The following GPC3 variants were observed in gnomAD, a reference collection of about 807,000 sequenced individuals.
GPC3 encodes glypican-3.
Under a neutral mutation model 34.4 loss-of-function variants are expected in GPC3, and 3 were observed. The ratio of observed to expected loss-of-function variants is 0.09; its 90% CI spans 0.04 to 0.23. The LOEUF is 0.23. Among genes scored for constraint, GPC3 ranks in the 10% least tolerant of loss-of-function variants. The probability of loss-of-function intolerance (pLI) is 1.00; values close to 1 mark genes in which losing one functional copy is unlikely to be tolerated. For missense variants in GPC3, 351 were observed against 445.6 expected, an observed-to-expected ratio of 0.79 and a Z score of 1.91; for synonymous variants, 177 against 174.0, an observed-to-expected ratio of 1.02 and a Z score of -0.13.
intron 2 of GPC3, among the ~76,000 whole-genome samples, chrX:133,776,032 A>G (rs2071975496): frequency 8.9e-6 from 1 of 111,779 alleles, no homozygotes; most frequent in Non-Finnish European, 1.9e-5. Context: ...GAGCACAGTG[A>G]ACAATGGTCA....
At chrX:133,769,345 ATAT>A (rs1201562678) in intron 2 of GPC3, among the ~76,000 whole-genome samples, 1 of 112,126 alleles carries the variant, frequency 8.9e-6, no homozygotes, top group African/African-American at 3.2e-5. Flanking sequence ...GATACTGTAT[ATAT>A]TTAAAATTTC....
intron 2 of GPC3, among the ~76,000 whole-genome samples, chrX:133,947,286 T>C (rs138064548): frequency 0.013 from 1,449 of 111,339 alleles, 30 homozygotes; most frequent in African/African-American, 0.045. Flanking sequence ...TTCAGAGCCC[T>C]GTTAAATCAA....
chrX:133,645,690 C>T (rs1291942131), intron 6 of GPC3, among the ~76,000 whole-genome samples: 5 of 111,337 alleles, frequency 4.5e-5, no homozygotes, highest in African/African-American at 1.3e-4. Context: ...TAACACTCAG[C>T]GAGTCCCAGA....
chrX:133,861,649 G>C (rs1407263677), intron 2 of GPC3, among the ~76,000 whole-genome samples: 2 of 111,158 alleles, frequency 1.8e-5, no homozygotes, highest in Non-Finnish European at 3.8e-5. Flanking sequence ...GCCCTGGTGG[G>C]AGGCGTTTGG....
At chrX:133,849,773 C>T (rs1055838869) in intron 2 of GPC3, among the ~76,000 whole-genome samples, 8 of 111,234 alleles carry the variant, frequency 7.2e-5, no homozygotes, top group Non-Finnish European at 1.5e-4. Flanking sequence ...GCTGTCTTTA[C>T]CTCTCTTAAC....
chrX:133,548,058 A>G (rs1378879567), intron 7 of GPC3, among the ~76,000 whole-genome samples: 1 of 110,295 alleles, frequency 9.1e-6, no homozygotes, highest in Non-Finnish European at 1.9e-5. Flanking sequence ...TGAAACTGTT[A>G]AAAAAAAAGT....
At chrX:133,863,648 CTTTTT>C (rs1165193952) in intron 2 of GPC3, among the ~76,000 whole-genome samples, 1 of 72,899 alleles carries the variant, frequency 1.4e-5, no homozygotes, top group Non-Finnish European at 2.4e-5. Flanking sequence ...AAAAATATTC[CTTTTT>C]TTTTTTTTTT....
Position 133,778,693 on chromosome X carries a change from C to G in GPC3, c.338-24517G>C, listed in dbSNP as rs138447636. 5.3e-3 allele frequency among the ~76,000 whole-genome samples: 594 copies of G among 111,456 alleles called. 5 individuals carry two copies. Among genetic ancestry groups the G allele is most frequent in the African/African-American group, 0.018 (563 of 30,687 alleles). ...TAGCCAAAGACATGCAAGAGACACT[C>G]AACTGGGAATATCAGGTTGTCTTCT... On this transcript the variant is annotated intron_variant, in intron 2 of 7. Coordinates refer to ENST00000370818, the MANE Select transcript of GPC3 (RefSeq NM_004484.4).
chrX:133,898,599 T>C (rs1235695979), intron 2 of GPC3, among the ~76,000 whole-genome samples: 11 of 112,188 alleles, frequency 9.8e-5, no homozygotes, highest in Non-Finnish European at 2.1e-4. Context: ...GTTTTGGTCA[T>C]GCAGGCACTC....
chrX:133,733,564 A>G (rs2071481928), intron 3 of GPC3, among the ~76,000 whole-genome samples: 1 of 111,599 alleles, frequency 9.0e-6, no homozygotes, highest in Non-Finnish European at 1.9e-5. Flanking sequence ...GAAATCTAGA[A>G]TAGAAAAACA....
chrX:133,704,694 T>C lies in GPC3; in HGVS notation c.1033-4666A>G, dbSNP rs144515616. ...CACATGACGGTCTTACGACATACTT[T>C]AGAAGAGGGTCAGTTAGGTTTTATG... On this transcript the variant is annotated intron_variant, in intron 3 of 7. Transcript: ENST00000370818. Among the ~76,000 whole-genome samples, 19 of 110,598 alleles carry C rather than the reference T, an allele frequency of 1.7e-4. No homozygotes were observed. In the East Asian group the frequency reaches 5.4e-3, roughly 31 times the overall value.
intron 2 of GPC3, among the ~76,000 whole-genome samples, chrX:133,852,434 T>C (rs957555228): frequency 1.5e-4 from 17 of 112,203 alleles, no homozygotes; most frequent in African/African-American, 5.5e-4. Flanking sequence ...AACTTTACTT[T>C]TGAAAACACG....
intron 2 of GPC3, among the ~76,000 whole-genome samples, chrX:133,930,309 G>T (rs188125946): frequency 8.9e-6 from 1 of 111,935 alleles, no homozygotes; most frequent in Admixed American, 9.4e-5. Context: ...AGAGGCCAGG[G>T]ATGCTGCTAA....
intron 7 of GPC3, among the ~76,000 whole-genome samples, chrX:133,558,936 TAAATAAAA>T (rs1264113752): frequency 9.2e-5 from 10 of 108,953 alleles, no homozygotes; most frequent in African/African-American, 3.3e-4. Context: ...AATAAATAAA[TAAATAAAA>T]ATAAATGTGT....
chrX:133,712,274 T>C (rs1871847953), intron 3 of GPC3, among the ~76,000 whole-genome samples: 1 of 111,912 alleles, frequency 8.9e-6, no homozygotes, highest in Admixed American at 9.5e-5. Flanking sequence ...GAAACAAATA[T>C]ACAACAAAAG....
intron 7 of GPC3, among the ~76,000 whole-genome samples, chrX:133,544,969 T>A (rs1420782723): frequency 1.8e-5 from 2 of 111,702 alleles, no homozygotes; most frequent in Non-Finnish European, 3.8e-5. Context: ...CTCACCACCT[T>A]CCCCAGCAGT....
At chrX:133,560,593 G>A (rs1042158688) in intron 7 of GPC3, among the ~76,000 whole-genome samples, 1 of 111,437 alleles carries the variant, frequency 9.0e-6, no homozygotes, top group African/African-American at 3.3e-5. Context: ...ACAAAAATTA[G>A]CTGGGCGTGA....
intron 1 of GPC3, among the ~76,000 whole-genome samples, chrX:133,971,615 T>C (rs1318069709): frequency 9.0e-6 from 1 of 110,671 alleles, no homozygotes; most frequent in African/African-American, 3.3e-5. Flanking sequence ...AACCATTTAA[T>C]AAATATAAAA....
intron 1 of GPC3, among the ~76,000 whole-genome samples, chrX:133,960,285 T>C (rs2076436183): frequency 9.1e-6 from 1 of 109,744 alleles, no homozygotes; most frequent in Non-Finnish European, 1.9e-5. Flanking sequence ...TAGGCAGTAA[T>C]GGACCACTGG....
Sources: gnomAD v4.1 joint callset for allele counts (sites outside exome capture counted in the v4.1 genomes callset) on GRCh38, gnomAD v4.1.1 for gene constraint, MANE v1.5 for transcripts, NCBI Gene and HGNC (gene_info 2026-07-23, HGNC 2026-07-21) for gene names.